DRC9: variants seen among roughly 807,000 people sequenced by gnomAD.
The protein encoded by DRC9 is dynein regulatory complex subunit 9.
At chr3:197,938,639 C>T in the DRC9 span, 7 of 1,614,026 alleles carry the variant, frequency 4.3e-6, no homozygotes, top group Admixed American at 1.2e-4. Context: ...TTGTTAAACT[C>T]CACAGCGAAC....
the DRC9 span, among the ~76,000 whole-genome samples, chr3:197,937,190 G>A: frequency 6.6e-6 from 1 of 152,152 alleles, no homozygotes; most frequent in African/African-American, 2.4e-5. Flanking sequence ...TTTACCAAAA[G>A]TTCTTAACGT....
chr3:197,943,019 G>A, the DRC9 span, among the ~76,000 whole-genome samples: 32 of 151,980 alleles, frequency 2.1e-4, no homozygotes, highest in African/African-American at 7.7e-4. Context: ...TTACTGAAAT[G>A]TACAAGAGCT....
At chr3:197,907,655 T>G in the DRC9 span, among the ~76,000 whole-genome samples, 3 of 152,390 alleles carry the variant, frequency 2.0e-5, no homozygotes, top group African/African-American at 4.8e-5. Flanking sequence ...TGCTAAGATT[T>G]GACCCTAGTT....
the DRC9 span, among the ~76,000 whole-genome samples, chr3:197,902,327 G>A: frequency 2.0e-5 from 3 of 152,134 alleles, no homozygotes; most frequent in African/African-American, 7.2e-5. Flanking sequence ...ACATCCAGAA[G>A]CATCAAGACC....
At chr3:197,934,733 C>T in the DRC9 span, among the ~76,000 whole-genome samples, 6,346 of 150,734 alleles carry the variant, frequency 0.042, 212 homozygotes, top group African/African-American at 0.089. Flanking sequence ...TTTGAGGGGC[C>T]GAGGCAGGAG....
At chr3:197,960,114 C>A in the DRC9 span, 21 of 898,200 alleles carry the variant, frequency 2.3e-5, no homozygotes, top group South Asian at 6.9e-5. Flanking sequence ...GAACTTCTAG[C>A]GGGTGACGCT....
the DRC9 span, among the ~76,000 whole-genome samples, chr3:197,931,067 AAGAG>A: frequency 1.1e-3 from 167 of 152,114 alleles, no homozygotes; most frequent in African/African-American, 3.8e-3. Flanking sequence ...AAAAGAAAGA[AAGAG>A]TTGGAAGACA....
chr3:197,946,221 G>A, the DRC9 span, among the ~76,000 whole-genome samples: 204 of 152,008 alleles, frequency 1.3e-3, no homozygotes, highest in African/African-American at 4.6e-3. Context: ...GGATCACAAG[G>A]TCAGGAGATC....
At chr3:197,943,901 T>C in the DRC9 span, 14 of 1,614,196 alleles carry the variant, frequency 8.7e-6, no homozygotes, top group South Asian at 1.4e-4. Flanking sequence ...ACAGTGGCTC[T>C]AGAGTTTCCG....
the DRC9 span, chr3:197,956,720 CCT>C: frequency 6.6e-6 from 1 of 150,950 alleles, no homozygotes; most frequent in Non-Finnish European, 1.5e-5. Flanking sequence ...ACCTCAACCT[CCT>C]CGGCTCAGGC....
At chr3:197,950,556 T>A in the DRC9 span, 1 of 329,618 alleles carries the variant, frequency 3.0e-6, no homozygotes, top group Non-Finnish European at 5.5e-6. Flanking sequence ...CTGACCAGTC[T>A]CTTTCCTCAG....
the DRC9 span, chr3:197,891,353 T>TA: frequency 1.4e-6 from 1 of 696,586 alleles, no homozygotes. Flanking sequence ...AGTTCCTTGA[T>TA]ATACTGAGAT....
chr3:197,925,320 G>A, the DRC9 span, among the ~76,000 whole-genome samples: 1 of 100,638 alleles, frequency 9.9e-6, no homozygotes, highest in East Asian at 3.8e-4. Flanking sequence ...AGGATGGGAC[G>A]AGGTCATCTG....
chr3:197,901,842 C>T, the DRC9 span, among the ~76,000 whole-genome samples: 97 of 152,290 alleles, frequency 6.4e-4, no homozygotes, highest in Non-Finnish European at 8.8e-4. The surrounding 1 kb of genome is among the most constrained non-coding windows in gnomAD (Gnocchi z 4.4). Context: ...TGGCTGATTT[C>T]GCCACCTGCT....
the DRC9 span, among the ~76,000 whole-genome samples, chr3:197,935,266 C>A: frequency 6.6e-6 from 1 of 151,934 alleles, no homozygotes. Context: ...CATGGTGAAA[C>A]CCTGTCTCTA....
the DRC9 span, chr3:197,955,644 A>T: frequency 9.9e-7 from 1 of 1,009,196 alleles, no homozygotes; most frequent in South Asian, 1.3e-5. Context: ...TTACCACTAG[A>T]ACATGTAATT....
chr3:197,928,543 T>C, the DRC9 span, among the ~76,000 whole-genome samples: 2 of 151,998 alleles, frequency 1.3e-5, no homozygotes, highest in African/African-American at 4.8e-5. Context: ...AGAGGTGGGG[T>C]GTCACCATGT....
chr3:197,941,306 C>G, the DRC9 span, among the ~76,000 whole-genome samples: 1 of 106,262 alleles, frequency 9.4e-6, no homozygotes, highest in South Asian at 3.8e-4. Context: ...TTTCCTCCCT[C>G]CTTCCCTTTC....
At chr3:197,931,636 C>T in the DRC9 span, among the ~76,000 whole-genome samples, 2 of 151,264 alleles carry the variant, frequency 1.3e-5, no homozygotes, top group Non-Finnish European at 2.9e-5. Context: ...GAGATGGAGT[C>T]TTGCTCTGTC....
Sources: gnomAD v4.1 joint callset for allele counts (sites outside exome capture counted in the v4.1 genomes callset) on GRCh38, gnomAD v4.1.1 for gene constraint, Gnocchi (gnomAD v3.1) non-coding constraint, MANE v1.5 for transcripts, NCBI Gene and HGNC (gene_info 2026-07-23, HGNC 2026-07-21) for gene names.